The following LPP variants were observed in gnomAD, a reference collection of about 807,000 sequenced individuals.
LPP encodes LIM domain containing preferred translocation partner in lipoma, also known as lipoma-preferred partner.
Under a neutral mutation model 60.4 loss-of-function variants are expected in LPP, and 38 were observed. The ratio of observed to expected loss-of-function variants is 0.63; its 90% CI spans 0.49 to 0.83. The LOEUF (loss-of-function observed/expected upper bound fraction) is 0.83, where lower values mean the gene tolerates loss of function less well. Ranked by LOEUF, LPP falls within the 40% of genes least tolerant of loss-of-function variation. LPP has a pLI of 0.00. For missense variants in LPP, 902 were observed against 783.6 expected (o/e 1.15, Z -1.80); for synonymous variants, 328 against 290.8 (o/e 1.13, Z -1.30).
intron 4 of LPP, among the ~76,000 whole-genome samples, chr3:188,478,455 T>C (rs563472584): frequency 5.3e-5 from 8 of 152,268 alleles, no homozygotes; most frequent in Admixed American, 3.3e-4. Context: ...CGTGTACATA[T>C]CTAGATAGCA....
At chr3:188,266,104 CAT>C (rs551969279) in intron 2 of LPP, among the ~76,000 whole-genome samples, 8 of 151,896 alleles carry the variant, frequency 5.3e-5, no homozygotes, top group Admixed American at 2.6e-4. Flanking sequence ...CTGAGCAGAC[CAT>C]GTGTGTGTTC....
intron 5 of LPP, among the ~76,000 whole-genome samples, chr3:188,511,387 A>G (rs1361817966): frequency 6.6e-6 from 1 of 150,638 alleles, no homozygotes; most frequent in African/African-American, 2.5e-5. Context: ...AATATTTGAA[A>G]AATATTTATA....
chr3:188,556,421 C>CCAAAAAAAAA (rs2150588964), intron 6 of LPP, among the ~76,000 whole-genome samples: 2 of 152,108 alleles, frequency 1.3e-5, no homozygotes, highest in South Asian at 4.1e-4. Flanking sequence ...AAAAATTAAA[C>CCAAAAAAAAA]ATATACCATA....
intron 9 of LPP, among the ~76,000 whole-genome samples, chr3:188,794,294 T>C (rs1037624733): frequency 1.3e-5 from 2 of 152,258 alleles, no homozygotes; most frequent in African/African-American, 2.4e-5. Context: ...GTTTTGTTAT[T>C]ATTTATCATT....
At chr3:188,385,075 A>G (rs904215058) in intron 3 of LPP, among the ~76,000 whole-genome samples, 2 of 151,576 alleles carry the variant, frequency 1.3e-5, no homozygotes, top group African/African-American at 4.9e-5. Context: ...CTTATTTTAG[A>G]CAGTACATCC....
At chr3:188,376,404 A>T (rs530722945) in intron 3 of LPP, among the ~76,000 whole-genome samples, 95 of 152,216 alleles carry the variant, frequency 6.2e-4, no homozygotes, top group African/African-American at 2.2e-3. Context: ...TTGGGTGCAT[A>T]TATATTTAGG....
At chr3:188,341,590 T>C in intron 2 of LPP, 73 bp from the exon 3 acceptor site, 1 of 446,732 alleles carries the variant, frequency 2.2e-6, no homozygotes, top group Non-Finnish European at 2.9e-6. Flanking sequence ...TATAAGAGGT[T>C]ATGACTATTA....
At chr3:188,801,304 A>C (rs567678942) in intron 9 of LPP, among the ~76,000 whole-genome samples, 5 of 152,282 alleles carry the variant, frequency 3.3e-5, no homozygotes, top group African/African-American at 9.6e-5. Flanking sequence ...CAGTTAATAT[A>C]TGTTGATATA....
intron 9 of LPP, among the ~76,000 whole-genome samples, chr3:188,776,728 A>G (rs1042938381): frequency 6.6e-6 from 1 of 152,240 alleles, no homozygotes; most frequent in Non-Finnish European, 1.5e-5. Context: ...GTTTGAGTTC[A>G]TTTGGCTGGT....
In LPP at chr3:188,883,756, G is replaced by A. The variant is rs1459317079; in HGVS notation, c.*9277G>A. ...TCAAAAAAAAAAAAAAAAAAAAAAG[G>A]TTGGGAAATATTGGTGTATAATCCC... On this transcript the variant is annotated 3_prime_UTR_variant, in exon 12 of 12. Transcript: ENST00000617246. 8.7e-6 allele frequency: 1 copy of A among 115,540 alleles called. No individual in the cohort carries two copies. Among genetic ancestry groups the A allele is most frequent in the African/African-American group, 3.7e-5 (1 of 26,942 alleles). The allele number at this position is 115,540 out of a possible 1,614,324, so 7.2% of individuals were successfully genotyped here. A position where few individuals can be genotyped will look rare whatever the true frequency, so the allele number is the denominator to read the frequency against.
At position 188,334,146 on chromosome 3, in the gene LPP, A is replaced by G. The variant is rs149938198; in HGVS notation, c.-66-7517A>G. ...TAACTTTCTGCTTCTGGCTTATTTC[A>G]CTTAACATGATGTCCTCCAGGCTTA... On this transcript the variant is annotated intron_variant, in intron 2 of 11. Coordinates refer to ENST00000617246, the MANE Select transcript of LPP (RefSeq NM_001375462.1). Among the ~76,000 whole-genome samples, 761 of 152,298 alleles carry G rather than the reference A, an allele frequency of 5.0e-3. 9 individuals are homozygous for G. Among genetic ancestry groups the G allele is most frequent in the Non-Finnish European group, 8.6e-3 (583 of 68,026 alleles).
chr3:188,401,520 C>A (rs1005262043), intron 3 of LPP, among the ~76,000 whole-genome samples: 1 of 152,200 alleles, frequency 6.6e-6, no homozygotes, highest in African/African-American at 2.4e-5. Context: ...TTTTCATGTG[C>A]TTTCTGTGTT....
intron 7 of LPP, among the ~76,000 whole-genome samples, chr3:188,679,562 T>TGC (rs1553793581): frequency 0.023 from 2,892 of 124,016 alleles, 39 homozygotes; most frequent in Middle Eastern, 0.067. Flanking sequence ...TGTGTGTGTG[T>TGC]GCGCGCGCGC....
At chr3:188,531,743 G>T (rs1822232085) in intron 6 of LPP, among the ~76,000 whole-genome samples, 1 of 152,104 alleles carries the variant, frequency 6.6e-6, no homozygotes, top group South Asian at 2.1e-4. Flanking sequence ...TCATCTGCCT[G>T]TCCATCTTTA....
intron 9 of LPP, among the ~76,000 whole-genome samples, chr3:188,765,601 C>T (rs895767064): frequency 2.0e-5 from 3 of 152,050 alleles, no homozygotes; most frequent in Admixed American, 6.5e-5. Flanking sequence ...AAATGTGGCT[C>T]GGATGTTTTC....
intron 9 of LPP, among the ~76,000 whole-genome samples, chr3:188,831,103 G>A (rs1757029142): frequency 6.6e-6 from 1 of 152,132 alleles, no homozygotes; most frequent in Admixed American, 6.5e-5. Context: ...CTATCATTCT[G>A]CTATGTTTGC....
intron 5 of LPP, among the ~76,000 whole-genome samples, chr3:188,510,476 A>ACCCT (rs1403396014): frequency 6.6e-6 from 1 of 152,102 alleles, no homozygotes; most frequent in Non-Finnish European, 1.5e-5. Context: ...TTTTAATATA[A>ACCCT]ATTGTCTGTG....
At chr3:188,694,257 T>C (rs1165962487) in intron 7 of LPP, among the ~76,000 whole-genome samples, 1 of 152,238 alleles carries the variant, frequency 6.6e-6, no homozygotes, top group Admixed American at 6.5e-5. Flanking sequence ...TATTTACCTG[T>C]TTTTCCCTTT....
chr3:188,175,922 T>G (rs1722920121), intron 1 of LPP, among the ~76,000 whole-genome samples: 1 of 152,156 alleles, frequency 6.6e-6, no homozygotes, highest in Admixed American at 6.5e-5. Flanking sequence ...TGGAGTATAC[T>G]GTCTGTTTCT....
Sources: allele counts gnomAD v4.1 joint callset (sites outside exome capture counted in the v4.1 genomes callset), GRCh38; gene constraint gnomAD v4.1.1; transcripts MANE v1.5; gene names NCBI Gene and HGNC (gene_info 2026-07-23, HGNC 2026-07-21).